Variants in MAP3K12 observed in about 807,000 individuals in gnomAD.
The protein encoded by MAP3K12 is mitogen-activated protein kinase kinase kinase 12.
In MAP3K12, 14 loss-of-function variants were observed where a neutral mutation model predicts 87.5. That is an observed-to-expected ratio of 0.16 (90% CI 0.11 to 0.25). MAP3K12 has a LOEUF of 0.25. Ranked by LOEUF, MAP3K12 falls within the 10% of genes least tolerant of loss-of-function variation. The pLI is 1.00. For missense variants in MAP3K12, 802 were observed against 1,140.4 expected, an observed-to-expected ratio of 0.70 and a Z score of 4.27; for synonymous variants, 469 against 452.5, an observed-to-expected ratio of 1.04 and a Z score of -0.46.
In MAP3K12 at chr12:53,482,833, C is replaced by G; in HGVS notation, c.1970G>C (p.Gly657Ala). ...AGGATCCCCAGCTCCGCCTGTGGCC[C>G]CCCGGCCCCGGGACCCTAGTGCTGC... ...LSAALGSRGR[G>A]ATGGAGDPGS... The change falls in exon 11 of 14, where the codon GGG becomes GCG. Residue 657 changes from glycine to alanine, a missense_variant. Gly to Ala is a moderately conservative substitution (Grantham distance 60). This residue lies in a region of MAP3K12 where 490 missense variants were observed against 496.6 expected (regional missense o/e 0.99). Transcript: ENST00000547488. 1 of 1,611,164 alleles carries G rather than the reference C, an allele frequency of 6.2e-7. No homozygotes were observed. Among genetic ancestry groups the G allele is most frequent in the Non-Finnish European group, 8.5e-7 (1 of 1,178,240 alleles).
rs1293675334 is a variant in MAP3K12, at chr12:53,481,180, T to A, written c.*2A>T. The A allele has an allele frequency of 6.7e-7, 1 of 1,492,562 alleles. No individual in the cohort carries two copies. The highest frequency in any genetic ancestry group is 1.4e-5 in the African/African-American group (1 of 69,466). 92.5% of individuals were successfully genotyped at this position (1,492,562 alleles called of 1,614,324 possible). On this transcript the variant is annotated 3_prime_UTR_variant, in exon 14 of 14. Transcript: ENST00000547488. The stretch of plus-strand genomic sequence containing the variant: ...TCTATGTACAAGGAATACGAGTGGC[T>A]TTCATGGAGGGAGGGAAGCTGGGGG...
In MAP3K12 at chr12:53,486,785, T is replaced by G; in HGVS notation, c.445+162A>C. 2 of 1,470,738 alleles carry G rather than the reference T, an allele frequency of 1.4e-6. No individual in the cohort carries two copies. The allele number at this position is 1,470,738 out of a possible 1,614,324, so 91.1% of individuals were successfully genotyped here. On this transcript the variant is annotated intron_variant, in intron 2 of 13. Transcript: ENST00000547488. The surrounding 1 kb of genome is among the most constrained non-coding windows in gnomAD (Gnocchi z 4.9). ...AGGGGACAGGGAAGGAATGAATGGG[T>G]GGCCTTAAAAGAAGCTGGGAAGTTA...
At chr12:53,501,194 C>T (rs997857759), upstream of MAP3K12, 31 of 585,876 alleles carry the variant, frequency 5.3e-5, no homozygotes, top group Non-Finnish European at 9.0e-5. Context: ...CCTGCCCGGG[C>T]GAGCCACGCA....
chr12:53,499,592 C>T (rs2137249318), upstream of MAP3K12: 1 of 152,198 alleles, frequency 6.6e-6, no homozygotes, highest in African/African-American at 2.4e-5. Context: ...TGTCCGGATG[C>T]ACGGGTGTCA....
intron 1 of MAP3K12, among the ~76,000 whole-genome samples, chr12:53,498,965 T>A (rs1468518292): frequency 1.5e-4 from 5 of 33,102 alleles, no homozygotes; most frequent in Admixed American, 7.2e-4. Context: ...TGTGTGTGTG[T>A]GTGTGTGTGT....
Position 53,480,729 on chromosome 12 carries a change from CAG to C in MAP3K12, c.*451_*452del, listed in dbSNP as rs935279515. The C allele has an allele frequency of 4.6e-5, 7 of 152,620 alleles. No individual in the cohort carries two copies. The highest frequency in any genetic ancestry group is 1.2e-4 in the African/African-American group (5 of 41,400). 9.5% of individuals were successfully genotyped at this position (152,620 alleles called of 1,614,324 possible). On this transcript the variant is annotated 3_prime_UTR_variant, in exon 14 of 14. Coordinates refer to ENST00000547488, the MANE Select transcript of MAP3K12 (RefSeq NM_001193511.2). The stretch of plus-strand genomic sequence containing the variant: ...AGTTACATTGCCACCTGAGAAACCT[CAG>C]AGGGGAGGACCCAGCCTTAGCCTCC...
At chr12:53,498,264 C>G (rs1480326601) in intron 1 of MAP3K12, among the ~76,000 whole-genome samples, 3 of 152,172 alleles carry the variant, frequency 2.0e-5, no homozygotes, top group Non-Finnish European at 4.4e-5. Context: ...CTTCCTAAAT[C>G]CTTTCTGTTA....
Position 53,486,555 on chromosome 12 carries a change from A to G in MAP3K12, c.513T>C (p.Ala171=), listed in dbSNP as rs1370166068. Residue 171 remains alanine (A), a synonymous_variant, in exon 3 of 14, where the codon GCT becomes GCC. Transcript: ENST00000547488. This position sits in a 1 kb window ranked among gnomAD's most constrained non-coding sequence, Gnocchi z 4.9. ...CCCCGTGGAAGCGCCCCAGGAAGAC[A>G]GCACCCTGGGCCCCTGAGCCCACCC... ...LQWVGSGAQG[A]VFLGRFHGEE... 2 of 1,613,956 alleles carry G rather than the reference A, an allele frequency of 1.2e-6. No homozygotes were observed. The highest frequency in any genetic ancestry group is 1.7e-6 in the Non-Finnish European group (2 of 1,179,998).
In MAP3K12 at chr12:53,486,157, A is replaced by G. The variant is rs144532855; in HGVS notation, c.720T>C (p.Pro240=). 2.4e-5 allele frequency: 38 copies of G among 1,614,070 alleles called. No homozygotes were observed. The highest frequency in any genetic ancestry group is 3.1e-5 in the Non-Finnish European group (37 of 1,180,028). ...QLYEVLRAGR[P]VTPSLLVDWS... is the part of the protein sequence containing the mutation. ...AGTCAACCAGTAAGGAGGGGGTGAC[A>G]GGGCGGCCAGCCCGCAGTACCTCAT... The change falls in exon 4 of 14, where the codon CCT becomes CCC. Residue 240 remains proline, a synonymous_variant. Transcript: ENST00000547488. The surrounding 1 kb of genome is among the most constrained non-coding windows in gnomAD (Gnocchi z 4.9).
chr12:53,492,860 A>G (rs1019977381), intron 1 of MAP3K12, among the ~76,000 whole-genome samples: 3 of 151,374 alleles, frequency 2.0e-5, no homozygotes, highest in Non-Finnish European at 4.4e-5. Context: ...GCAGGCCAGG[A>G]GGGAGGGATG....
intron 4 of MAP3K12, chr12:53,485,786 G>A (rs1455734198): frequency 1.9e-6 from 1 of 519,692 alleles, no homozygotes; most frequent in Non-Finnish European, 3.4e-6. Flanking sequence ...TCGATCTCTT[G>A]ACCTTGTGAT....
rs7958457 is a variant in MAP3K12 at position 53,486,869 on chromosome 12, C to T, written c.445+78G>A. ...GCCATGGGGAGGGAAGGGACCATTG[C>T]GTGACTTTAGCGGAGCTGACCAACA... is the stretch of plus-strand genomic sequence containing the variant. On this transcript the variant is annotated intron_variant, in intron 2 of 13. Coordinates refer to ENST00000547488, the MANE Select transcript of MAP3K12 (RefSeq NM_001193511.2). The surrounding 1 kb of genome is among the most constrained non-coding windows in gnomAD (Gnocchi z 4.9). 149,119 of 1,575,646 alleles carry T rather than the reference C, an allele frequency of 0.095. 7,842 individuals carry two copies. The highest frequency in any genetic ancestry group is 0.11 in the Non-Finnish European group (125,368 of 1,158,406).
upstream of MAP3K12, chr12:53,501,211 G>A: frequency 3.3e-6 from 2 of 609,848 alleles, no homozygotes; most frequent in East Asian, 5.8e-5. Flanking sequence ...CGCACGCAGA[G>A]GGTTGTGGGG....
chr12:53,488,162 G>GGCAGAAGCAGCCAATGGGGAT (rs1420511394), intron 1 of MAP3K12, among the ~76,000 whole-genome samples: 3 of 152,174 alleles, frequency 2.0e-5, no homozygotes, highest in Admixed American at 2.0e-4. Flanking sequence ...TGGGGAAAAA[G>GGCAGAAGCAGCCAATGGGGAT]GCAGAAGCAG....
At chr12:53,498,984 GTGTGTGTGTGTGTGTGTGT>G in intron 1 of MAP3K12, among the ~76,000 whole-genome samples, 2 of 43,680 alleles carry the variant, frequency 4.6e-5, no homozygotes, top group African/African-American at 1.5e-4. Flanking sequence ...GTGTGTGTGT[GTGTGTGTGTGTGTGTGTGT>G]GGAGATGGTG....
At position 53,483,470 on chromosome 12, in the gene MAP3K12, C is replaced by T. The variant is rs201631862; in HGVS notation, c.1492G>A (p.Glu498Lys). 6.2e-7 allele frequency: 1 copy of T among 1,614,138 alleles called. No homozygotes were observed. ...TTCAGCAGGCCTGGGCACCTCCGCT[C>T]TAAAGCTTGCTCTCGCCTAAAGATC... ...RELLRREQAL[E>K]RRCPGLLKPH... Residue 498 changes from glutamate to lysine, a missense_variant, in exon 10 of 14, where the codon GAG (glutamate) becomes AAG (lysine). Coordinates refer to ENST00000547488, the MANE Select transcript of MAP3K12 (RefSeq NM_001193511.2).
intron 1 of MAP3K12, among the ~76,000 whole-genome samples, chr12:53,490,521 G>A (rs753874570): frequency 2.6e-5 from 4 of 152,050 alleles, no homozygotes; most frequent in Non-Finnish European, 5.9e-5. Flanking sequence ...CGAGGCGGGC[G>A]GATCACGAGG....
chr12:53,491,588 G>T (rs1174132661), intron 1 of MAP3K12, among the ~76,000 whole-genome samples: 1 of 151,080 alleles, frequency 6.6e-6, no homozygotes, highest in Non-Finnish European at 1.5e-5. Flanking sequence ...CGCCCGCCAC[G>T]ACGCCCGGCT....
chr12:53,482,677 C>A lies in MAP3K12; in HGVS notation c.2126G>T (p.Gly709Val). 6.2e-7 allele frequency: 1 copy of A among 1,613,980 alleles called. No homozygotes were observed. Among genetic ancestry groups the A allele is most frequent in the Non-Finnish European group, 8.5e-7 (1 of 1,180,032 alleles). ...CCCTTCCCTTCCAGTTCCCAGAAGC[C>A]CCACACCTTCACCAGGCCCTACTGG... ...PPPVGPGEGVGLLGTGREGTS... is the reference protein window; with the variant it reads ...PPPVGPGEGVVLLGTGREGTS... The change falls in exon 11 of 14, where the codon GGG becomes GTG. Residue 709 changes from glycine (G) to valine (V), a missense_variant. This residue lies in a region of MAP3K12 where 490 missense variants were observed against 496.6 expected (regional missense o/e 0.99). Transcript: ENST00000547488.
Sources: gnomAD v4.1 joint callset for allele counts (sites outside exome capture counted in the v4.1 genomes callset) on GRCh38, gnomAD v4.1.1 for gene constraint, gnomAD v4.1.1 regional missense constraint, Gnocchi (gnomAD v3.1) non-coding constraint, MANE v1.5 for transcripts, NCBI Gene and HGNC (gene_info 2026-07-23, HGNC 2026-07-21) for gene names.